Variants in MUC12 observed in about 807,000 individuals in gnomAD.
MUC12 encodes the protein mucin-12.
MUC12 carries 172 observed loss-of-function variants against 230.8 expected under a neutral mutation model. The observed-to-expected ratio is 0.75, with a 90% CI of 0.66 to 0.85. The LOEUF is 0.85. MUC12 is among the 40% of genes least tolerant of loss of function. MUC12 has a pLI of 0.00. For synonymous variants in MUC12, 1,259 were observed against 2,401.9 expected, an observed-to-expected ratio of 0.52 and a Z score of 13.91; for missense variants, 3,506 against 5,920.6, an observed-to-expected ratio of 0.59 and a Z score of 13.38.
chr7:100,989,467 A>G (rs1351816297), intron 1 of MUC12, among the ~76,000 whole-genome samples: 1 of 151,960 alleles, frequency 6.6e-6, no homozygotes, highest in African/African-American at 2.4e-5. Context: ...ACCAGACAAT[A>G]TAAGGTCTGC....
Position 101,004,436 on chromosome 7 carries a change from G to T in MUC12, c.13873G>T (p.Gly4625Cys). 5.3e-6 allele frequency: 8 copies of T among 1,521,488 alleles called. No individual in the cohort carries two copies. The highest frequency in any genetic ancestry group is 7.0e-6 in the Non-Finnish European group (8 of 1,142,598). 94.2% of individuals were successfully genotyped at this position (1,521,488 alleles called of 1,614,324 possible). ...CTTCCCTGAAAGCTCCACAGCTTCAGGTCGTAGTGAAGAATCAAGAACTTC... is the reference window on the plus strand; with the variant it reads ...CTTCCCTGAAAGCTCCACAGCTTCATGTCGTAGTGAAGAATCAAGAACTTC... ...MHFPESSTAS[G>C]RSEESRTSHS... Residue 4625 changes from glycine to cysteine, a missense_variant, in exon 2 of 12, where the codon GGT becomes TGT. Physicochemically the swap from Gly to Cys is radical, Grantham distance 159. Transcript: ENST00000536621.
In MUC12 at chr7:100,992,533, C is replaced by T. The variant is rs184992838; in HGVS notation, c.1970C>T (p.Pro657Leu). ...ACTACCACATCAGCCTTTGTTGAGC[C>T]ATCTACAACCTCCCACGGCAGCCCG... ...PPTTTSAFVE[P>L]STTSHGSPSS... Residue 657 changes from proline (P) to leucine (L), a missense_variant, in exon 2 of 12, where the codon CCA becomes CTA. Pro to Leu is a moderately conservative substitution (Grantham distance 98, BLOSUM62 -3). Coordinates refer to ENST00000536621, the MANE Select transcript of MUC12 (RefSeq NM_001164462.2). The T allele has an allele frequency of 4.1e-3, 6,293 of 1,536,842 alleles. 20 individuals are homozygous for T. The highest frequency in any genetic ancestry group is 5.0e-3 in the Non-Finnish European group (5,689 of 1,146,056).
intron 1 of MUC12, chr7:100,981,394 G>A (rs1006239122): frequency 1.4e-5 from 9 of 646,472 alleles, no homozygotes; most frequent in Non-Finnish European, 2.2e-5. Flanking sequence ...GGGCTTGGTG[G>A]AGTTTGCTAG....
In MUC12 at chr7:100,991,117, C is replaced by G. The variant is rs940149062; in HGVS notation, c.554C>G (p.Thr185Ser). 7 of 1,537,752 alleles carry G rather than the reference C, an allele frequency of 4.6e-6. No homozygotes were observed. The highest frequency in any genetic ancestry group is 1.4e-5 in the African/African-American group (1 of 73,006). ...THTIAFPDSTTMPGVSQESTA... is the reference protein window; with the variant it reads ...THTIAFPDSTSMPGVSQESTA... ...ACAATAGCGTTCCCTGACAGTACCA[C>G]CATGCCAGGCGTCAGTCAGGAATCT... Residue 185 changes from threonine (T) to serine (S), a missense_variant, in exon 2 of 12, where the codon ACC becomes AGC. Physicochemically the swap from Thr to Ser is moderately conservative, Grantham distance 58. Transcript: ENST00000536621.
At position 101,018,849 on chromosome 7, in the gene MUC12, C is replaced by T. The variant is rs1289556254; in HGVS notation, c.*213C>T. The T allele has an allele frequency of 8.2e-6, 4 of 487,662 alleles. No homozygotes were observed. Among genetic ancestry groups the T allele is most frequent in the Admixed American group, 4.0e-5 (1 of 25,192 alleles). 30.2% of individuals were successfully genotyped at this position (487,662 alleles called of 1,614,324 possible). A position where few individuals can be genotyped will look rare whatever the true frequency, so the allele number is the denominator to read the frequency against. The stretch of plus-strand genomic sequence containing the variant: ...GCCTCTCCATCCGGGAGCTTCCAGA[C>T]TCCCAGAAGCCTCGGCACCCCTGTC... On this transcript the variant is annotated 3_prime_UTR_variant, in exon 12 of 12. Coordinates refer to ENST00000536621, the MANE Select transcript of MUC12 (RefSeq NM_001164462.2).
chr7:100,969,786 C>T (rs1297871501), intron 1 of MUC12, 97 bp downstream of exon 1: 44 of 1,452,974 alleles, frequency 3.0e-5, no homozygotes, highest in Non-Finnish European at 3.9e-5. Flanking sequence ...TGGCCTCCTC[C>T]CCTTTGCATG....
chr7:100,995,490 G>A lies in MUC12; in HGVS notation c.4927G>A (p.Glu1643Lys). Reference sequence around the variant, plus strand: ...TTTCCACAGCAGCCCAGGCTCCACTGAAACAACACTCTTACCTGACAACAC... The same window carrying A: ...TTTCCACAGCAGCCCAGGCTCCACTAAAACAACACTCTTACCTGACAACAC... Reference protein sequence around the residue: ...TTFHSSPGSTETTLLPDNTTA... With the variant: ...TTFHSSPGSTKTTLLPDNTTA... The change falls in exon 2 of 12, where the codon GAA becomes AAA. Residue 1643 changes from glutamate to lysine, a missense_variant. Glu to Lys is a moderately conservative substitution (Grantham distance 56). Transcript: ENST00000536621. 2.0e-6 allele frequency: 3 copies of A among 1,534,746 alleles called. No homozygotes were observed. Among genetic ancestry groups the A allele is most frequent in the Non-Finnish European group, 2.6e-6 (3 of 1,146,536 alleles).
chr7:101,012,263 A>G (rs1441681212), intron 5 of MUC12, 33 bp from the exon 6 acceptor site: 1 of 1,534,810 alleles, frequency 6.5e-7, no homozygotes, highest in Admixed American at 2.0e-5. Context: ...GGGTGGTGAC[A>G]TGGGTAACTG....
At chr7:100,990,113 C>A (rs777596651) in intron 1 of MUC12, among the ~76,000 whole-genome samples, 18 of 152,204 alleles carry the variant, frequency 1.2e-4, no homozygotes, top group Non-Finnish European at 2.4e-4. Flanking sequence ...GGGTCCCCAA[C>A]CCCCTGGCCC....
At chr7:101,017,502 G>C in intron 10 of MUC12, 73 bp from the exon 11 acceptor site, 1 of 969,568 alleles carries the variant, frequency 1.0e-6, no homozygotes. Flanking sequence ...CCTTTTGCCA[G>C]AGGAAATCCC....
At chr7:101,007,255 A>G (rs1793769095) in intron 3 of MUC12, among the ~76,000 whole-genome samples, 1 of 152,134 alleles carries the variant, frequency 6.6e-6, no homozygotes, top group South Asian at 2.1e-4. Context: ...CATCGCGCCC[A>G]GCTATTTTAG....
rs185710659 is a variant in MUC12, at chr7:101,004,595, G to C, written c.14032G>C (p.Gly4678Arg). The C allele has an allele frequency of 2.5e-5, 38 of 1,536,812 alleles. No individual in the cohort carries two copies. In the African/African-American group the frequency reaches 4.1e-4, roughly 17 times the overall value. ...THFPESSTTS[G>R]RSEESTASHS... Reference sequence around the variant, plus strand: ...CTTTCCTGAGAGCTCCACAACCTCCGGCCGTAGTGAGGAATCAACAGCATC... The same window carrying C: ...CTTTCCTGAGAGCTCCACAACCTCCCGCCGTAGTGAGGAATCAACAGCATC... The change falls in exon 2 of 12, where the codon GGC becomes CGC. Residue 4678 changes from glycine to arginine, a missense_variant. Gly to Arg is a moderately radical substitution (Grantham distance 125, BLOSUM62 -2). Transcript: ENST00000536621.
At chr7:101,018,515 C>A (rs888235121) in intron 11 of MUC12, 80 bp from the exon 12 acceptor site, 12 of 1,448,450 alleles carry the variant, frequency 8.3e-6, no homozygotes, top group South Asian at 7.3e-5. Context: ...CTCCTCCCCG[C>A]CAGGGCTCCC....
chr7:101,017,340 T>G, intron 10 of MUC12: 1 of 492,486 alleles, frequency 2.0e-6, no homozygotes, highest in Non-Finnish European at 3.6e-6. Flanking sequence ...ACCCCGTGCA[T>G]GTGGGGGGCT....
intron 1 of MUC12, among the ~76,000 whole-genome samples, chr7:100,977,626 A>C (rs1452348643): frequency 6.6e-6 from 1 of 152,128 alleles, no homozygotes; most frequent in Non-Finnish European, 1.5e-5. Flanking sequence ...GGCCTCCCGA[A>C]GTGCTGGGAT....
At chr7:100,972,050 G>A in intron 1 of MUC12, 2 of 702,382 alleles carry the variant, frequency 2.8e-6, no homozygotes, top group Non-Finnish European at 5.2e-6. Context: ...GGCCAGGCAA[G>A]TAGGGCCACT....
rs1471609925 is a variant in MUC12, at chr7:101,004,391, G to T, written c.13828G>T (p.Gly4610Cys). ...ATCTACGGCGTACCACAGCAGCCCG[G>T]GCTCAACTCAAACAATGCACTTCCC... ...EESTAYHSSP[G>C]STQTMHFPES... Residue 4610 changes from glycine (G) to cysteine (C), a missense_variant, in exon 2 of 12, where the codon GGC (glycine) becomes TGC (cysteine). Transcript: ENST00000536621. The T allele has an allele frequency of 8.7e-6, 13 of 1,490,938 alleles. No homozygotes were observed. Among genetic ancestry groups the T allele is most frequent in the East Asian group, 5.0e-5 (2 of 39,608 alleles). The allele number at this position is 1,490,938 out of a possible 1,614,324, so 92.4% of individuals were successfully genotyped here.
intron 5 of MUC12, 59 bp from the exon 6 acceptor site, chr7:101,012,237 G>A: frequency 6.6e-7 from 1 of 1,522,198 alleles, no homozygotes; most frequent in African/African-American, 1.4e-5. Context: ...GGGTGCTTGG[G>A]CTCCACTTGC....
At chr7:101,016,574 C>A (rs1232084761) in intron 10 of MUC12, among the ~76,000 whole-genome samples, 3 of 152,120 alleles carry the variant, frequency 2.0e-5, no homozygotes, top group South Asian at 2.1e-4. Flanking sequence ...CTTGGCCTCC[C>A]AAAGTGCTGG....
Sources: gnomAD v4.1 joint callset for allele counts (sites outside exome capture counted in the v4.1 genomes callset) on GRCh38, gnomAD v4.1.1 for gene constraint, MANE v1.5 for transcripts, NCBI Gene and HGNC (gene_info 2026-07-23, HGNC 2026-07-21) for gene names.